CUX1: variants seen among roughly 807,000 people sequenced by gnomAD.
The protein encoded by CUX1 is protein CASP.
A neutral mutation model predicts 158.8 loss-of-function variants in CUX1; 31 were observed. The ratio of observed to expected loss-of-function variants is 0.20; its 90% CI spans 0.15 to 0.26. The LOEUF is 0.26. CUX1 is among the 10% of genes least tolerant of loss of function. CUX1 has a pLI of 1.00. For missense variants in CUX1, 1,589 were observed against 2,014.6 expected (o/e 0.79, Z 4.04); for synonymous variants, 879 against 862.1 (o/e 1.02, Z -0.34).
At position 101,827,295 on chromosome 7, in the gene CUX1, T is replaced by TTCTCTTCTCTTCTC. The variant is rs1562893412; in HGVS notation, c.30+9627_30+9628insCTCTTCTCTTCTCT. 9.1e-3 allele frequency among the ~76,000 whole-genome samples: 427 copies of TTCTCTTCTCTTCTC among 46,770 alleles called. 3 individuals carry two copies. Among genetic ancestry groups the TTCTCTTCTCTTCTC allele is most frequent in the Admixed American group, 0.043 (180 of 4,150 alleles). The allele number at this position is 46,770 out of a possible 152,430, so 30.7% of individuals were successfully genotyped here. ...CTTCTCTTCTCTTCTCTTCTCTTCT[T>TTCTCTTCTCTTCTC]TTCTTTTCTTTTCCTTTCCCTTCCT... is the stretch of plus-strand genomic sequence containing the variant. On this transcript the variant is annotated intron_variant, in intron 1 of 23. Coordinates refer to ENST00000292535, the MANE Select transcript of CUX1 (RefSeq NM_181552.4).
intron 2 of CUX1, among the ~76,000 whole-genome samples, chr7:101,952,745 T>C (rs896192016): frequency 2.6e-5 from 4 of 152,192 alleles, no homozygotes; most frequent in Admixed American, 6.5e-5. Flanking sequence ...TGCGCCATGC[T>C]GGTCTCAGCT....
chr7:101,910,319 G>T (rs769836780), intron 1 of CUX1, among the ~76,000 whole-genome samples: 11 of 152,024 alleles, frequency 7.2e-5, no homozygotes, highest in South Asian at 2.1e-4. Flanking sequence ...GCTAATTTTT[G>T]TATTTTTTGT....
At chr7:101,875,062 T>C (rs1266416156) in intron 1 of CUX1, among the ~76,000 whole-genome samples, 4 of 152,180 alleles carry the variant, frequency 2.6e-5, no homozygotes, top group African/African-American at 9.7e-5. Context: ...GAAATCAGGC[T>C]AACTGGGGCT....
intron 11 of CUX1, among the ~76,000 whole-genome samples, chr7:102,181,926 T>G (rs74318336): frequency 1.7e-3 from 256 of 152,364 alleles, no homozygotes; most frequent in African/African-American, 6.0e-3. Flanking sequence ...TGAATAAGAC[T>G]TGGCAAATTG....
chr7:102,176,372 G>A (rs141569082), intron 10 of CUX1, among the ~76,000 whole-genome samples: 173 of 152,200 alleles, frequency 1.1e-3, no homozygotes, highest in Non-Finnish European at 2.0e-3. Flanking sequence ...GTGAAACTGA[G>A]CACTTCAGAG....
intron 11 of CUX1, among the ~76,000 whole-genome samples, chr7:102,182,789 CT>C (rs1400186922): frequency 6.6e-6 from 1 of 152,182 alleles, no homozygotes; most frequent in African/African-American, 2.4e-5. Flanking sequence ...GTATAATTAG[CT>C]AGTCAACTGC....
chr7:101,999,715 G>T (rs1816436750), intron 2 of CUX1, among the ~76,000 whole-genome samples: 1 of 152,180 alleles, frequency 6.6e-6, no homozygotes, highest in African/African-American at 2.4e-5. Flanking sequence ...CCTTTCCAAG[G>T]CAGTCTGCAC....
intron 2 of CUX1, among the ~76,000 whole-genome samples, chr7:101,921,275 G>A (rs978640370): frequency 2.6e-5 from 4 of 152,180 alleles, no homozygotes; most frequent in South Asian, 4.1e-4. Flanking sequence ...GTGTGTGTAC[G>A]TACCCATGTG....
At chr7:102,273,075 G>A (rs10265016) in intron 14 of CUX1, among the ~76,000 whole-genome samples, 4,425 of 152,300 alleles carry the variant, frequency 0.029, 217 homozygotes, top group African/African-American at 0.098. Context: ...ACATTGCACC[G>A]GTTTCTCCTA....
intron 4 of CUX1, among the ~76,000 whole-genome samples, chr7:102,079,280 A>G (rs1405651122): frequency 6.6e-6 from 1 of 152,100 alleles, no homozygotes; most frequent in Non-Finnish European, 1.5e-5. Context: ...TCTACTAAAA[A>G]TAGAAAAATT....
intron 3 of CUX1, among the ~76,000 whole-genome samples, chr7:102,055,384 C>T (rs1002614801): frequency 1.3e-5 from 2 of 152,128 alleles, no homozygotes; most frequent in African/African-American, 4.8e-5. Flanking sequence ...AGTGTGTCAG[C>T]ATTATTTTTC....
intron 1 of CUX1, among the ~76,000 whole-genome samples, chr7:101,843,184 GT>G (rs1162518947): frequency 2.0e-5 from 3 of 151,710 alleles, no homozygotes; most frequent in Non-Finnish European, 4.4e-5. Context: ...TATTTTTTTT[GT>G]TTGTTTTTGG....
intron 2 of CUX1, among the ~76,000 whole-genome samples, chr7:101,939,104 T>TG (rs1807369782): frequency 1.1e-5 from 1 of 88,280 alleles, no homozygotes; most frequent in Non-Finnish European, 2.2e-5. Context: ...TATATATATA[T>TG]ATATATATAT....
chr7:102,052,569 T>C (rs941673394), intron 3 of CUX1, among the ~76,000 whole-genome samples: 2 of 152,188 alleles, frequency 1.3e-5, no homozygotes, highest in African/African-American at 2.4e-5. Context: ...TTTCCCCACT[T>C]TTTGGCTATT....
At chr7:101,899,493 A>G (rs1192874616) in intron 1 of CUX1, among the ~76,000 whole-genome samples, 2 of 152,174 alleles carry the variant, frequency 1.3e-5, no homozygotes, top group Non-Finnish European at 2.9e-5. Context: ...CAGAGGTTGC[A>G]GTGAGTCAAG....
intron 1 of CUX1, among the ~76,000 whole-genome samples, chr7:101,886,973 C>A (rs1358044700): frequency 2.0e-5 from 3 of 152,182 alleles, no homozygotes; most frequent in African/African-American, 7.2e-5. Flanking sequence ...CCTGCTGAGC[C>A]CCCACTCTTC....
At chr7:101,948,121 A>G (rs1489847110) in intron 2 of CUX1, among the ~76,000 whole-genome samples, 1 of 152,208 alleles carries the variant, frequency 6.6e-6, no homozygotes, top group Non-Finnish European at 1.5e-5. Context: ...GCGCCAAGAA[A>G]TCAGCCCCAA....
rs1554537642 is a variant in CUX1, at chr7:102,248,254, GGGCT to G, written c.3888-156_3888-153del. On this transcript the variant is annotated intron_variant, in intron 23 of 23. Coordinates refer to ENST00000292535, the MANE Select transcript of CUX1 (RefSeq NM_181552.4). This position sits in a 1 kb window ranked among gnomAD's most constrained non-coding sequence, Gnocchi z 5.8. ...AGGGGTGGGTGGTGACTCTGGAGAG[GGGCT>G]GCCCCGTGGCCCGAGGGTCGCTGGA... 6.6e-6 allele frequency among the ~76,000 whole-genome samples: 1 copy of G among 152,182 alleles called. No homozygotes were observed. The highest frequency in any genetic ancestry group is 1.5e-5 in the Non-Finnish European group (1 of 68,026).
At chr7:101,889,258 C>CAAAAAA (rs55853593) in intron 1 of CUX1, among the ~76,000 whole-genome samples, 2 of 112,706 alleles carry the variant, frequency 1.8e-5, no homozygotes, top group Non-Finnish European at 3.5e-5. Flanking sequence ...GACCCTGTCT[C>CAAAAAA]AAAAAAAAAA....
Sources: gnomAD v4.1 joint callset for allele counts (sites outside exome capture counted in the v4.1 genomes callset) on GRCh38, gnomAD v4.1.1 for gene constraint, Gnocchi (gnomAD v3.1) non-coding constraint, MANE v1.5 for transcripts, NCBI Gene and HGNC (gene_info 2026-07-23, HGNC 2026-07-21) for gene names.